NRCAM: variants seen among roughly 807,000 people sequenced by gnomAD.
NRCAM encodes NgCAM-related cell adhesion molecule.
NRCAM carries 83 observed loss-of-function variants against 156.5 expected under a neutral mutation model. The observed-to-expected ratio is 0.53, with a 90% CI of 0.44 to 0.64. The LOEUF is 0.64. NRCAM is among the 30% of genes least tolerant of loss of function. The pLI is 0.00. For missense variants in NRCAM, 1,417 were observed against 1,597.3 expected (o/e 0.89, Z 1.92); for synonymous variants, 538 against 563.9 (o/e 0.95, Z 0.65).
At chr7:108,275,012 C>T (rs1400953876) in intron 3 of NRCAM, among the ~76,000 whole-genome samples, 2 of 152,120 alleles carry the variant, frequency 1.3e-5, no homozygotes, top group African/African-American at 4.8e-5. Flanking sequence ...GTTTTGGTCA[C>T]TGGTTCTGTT....
At chr7:108,383,187 A>C (rs1424905553) in intron 2 of NRCAM, among the ~76,000 whole-genome samples, 1 of 152,016 alleles carries the variant, frequency 6.6e-6, no homozygotes. Context: ...ACAGCCTTCT[A>C]AAGTCACTCC....
chr7:108,242,863 T>C (rs1456392253), intron 3 of NRCAM, among the ~76,000 whole-genome samples: 1 of 152,210 alleles, frequency 6.6e-6, no homozygotes, highest in Non-Finnish European at 1.5e-5. Context: ...ATGTATTTTG[T>C]CTGGATGTAT....
chr7:108,450,603 T>A (rs1488710462), intron 1 of NRCAM, among the ~76,000 whole-genome samples: 1 of 142,612 alleles, frequency 7.0e-6, no homozygotes, highest in Non-Finnish European at 1.6e-5. Context: ...AATAATGCCA[T>A]TTTTTGGCAG....
chr7:108,438,939 C>G (rs1835392187), intron 1 of NRCAM, among the ~76,000 whole-genome samples: 1 of 151,892 alleles, frequency 6.6e-6, no homozygotes, highest in Non-Finnish European at 1.5e-5. Context: ...GATTTTACAT[C>G]AAAAATTCAA....
chr7:108,229,549 C>A (rs549875529), intron 8 of NRCAM, among the ~76,000 whole-genome samples: 57 of 152,284 alleles, frequency 3.7e-4, no homozygotes, highest in African/African-American at 1.3e-3. Context: ...GAGTTCTTCA[C>A]CTCTGGAGGG....
intron 1 of NRCAM, among the ~76,000 whole-genome samples, chr7:108,442,782 G>C (rs7790875): frequency 0.24 from 37,097 of 152,124 alleles, 4,825 homozygotes; most frequent in Non-Finnish European, 0.29. Context: ...AGCTCATACT[G>C]AAACAGTGAT....
chr7:108,352,791 A>G (rs1323755220), intron 2 of NRCAM, among the ~76,000 whole-genome samples: 1 of 152,162 alleles, frequency 6.6e-6, no homozygotes, highest in Non-Finnish European at 1.5e-5. Context: ...TTTGAACCAT[A>G]AAGCTAAGAG....
chr7:108,324,397 C>T (rs976431411), intron 2 of NRCAM, among the ~76,000 whole-genome samples: 2 of 152,106 alleles, frequency 1.3e-5, no homozygotes, highest in Non-Finnish European at 2.9e-5. Context: ...CTTTCCTTCC[C>T]GATTCCTCCC....
At chr7:108,387,688 A>T (rs1160871408) in intron 2 of NRCAM, among the ~76,000 whole-genome samples, 1 of 151,164 alleles carries the variant, frequency 6.6e-6, no homozygotes, top group Non-Finnish European at 1.5e-5. Context: ...TACATTAGGT[A>T]TATCTCCTAA....
intron 29 of NRCAM, 45 bp downstream of exon 29, chr7:108,168,232 A>AT (rs1191096509): frequency 6.8e-7 from 1 of 1,468,828 alleles, no homozygotes; most frequent in East Asian, 2.5e-5. Flanking sequence ...CTTTTAAAAA[A>AT]TGCATCCCCC....
At chr7:108,399,143 T>G (rs2099784882) in intron 2 of NRCAM, among the ~76,000 whole-genome samples, 1 of 149,662 alleles carries the variant, frequency 6.7e-6, no homozygotes, top group Non-Finnish European at 1.5e-5. Context: ...AGAGAAACAT[T>G]ATTGATTTTT....
intron 30 of NRCAM, among the ~76,000 whole-genome samples, chr7:108,165,073 T>C (rs2053007443): frequency 6.6e-6 from 1 of 152,184 alleles, no homozygotes; most frequent in Admixed American, 6.5e-5. Context: ...TAACAACAGG[T>C]CATTTTTATA....
intron 2 of NRCAM, among the ~76,000 whole-genome samples, chr7:108,345,878 C>T (rs747773793): frequency 1.3e-5 from 2 of 152,216 alleles, no homozygotes; most frequent in Non-Finnish European, 2.9e-5. Flanking sequence ...ACAAGTCTAG[C>T]AGGCCTAGAA....
At chr7:108,150,443 A>C (rs2040638277) in intron 32 of NRCAM, among the ~76,000 whole-genome samples, 1 of 152,206 alleles carries the variant, frequency 6.6e-6, no homozygotes, top group Non-Finnish European at 1.5e-5. Flanking sequence ...ACAAGCATTA[A>C]ATAAGAAAGA....
At chr7:108,267,624 T>C (rs1430379139) in intron 3 of NRCAM, among the ~76,000 whole-genome samples, 2 of 152,232 alleles carry the variant, frequency 1.3e-5, no homozygotes, top group African/African-American at 4.8e-5. Flanking sequence ...CCTTACGCTT[T>C]ATTTGAATTG....
chr7:108,348,115 T>C (rs1382687630), intron 2 of NRCAM, among the ~76,000 whole-genome samples: 1 of 152,238 alleles, frequency 6.6e-6, no homozygotes, highest in Admixed American at 6.5e-5. Context: ...GTCTACGTAA[T>C]ACATGTAACT....
intron 13 of NRCAM, among the ~76,000 whole-genome samples, chr7:108,204,351 C>G (rs1015124915): frequency 2.0e-5 from 3 of 152,230 alleles, no homozygotes; most frequent in African/African-American, 4.8e-5. Context: ...TGTGGCCACT[C>G]AGCAGAAGCT....
chr7:108,249,324 AC>A (rs1437196675), intron 3 of NRCAM, among the ~76,000 whole-genome samples: 1 of 152,214 alleles, frequency 6.6e-6, no homozygotes, highest in East Asian at 1.9e-4. Flanking sequence ...ATTATCACAA[AC>A]CAAACAGCTG....
intron 2 of NRCAM, among the ~76,000 whole-genome samples, chr7:108,377,406 C>G (rs2099680744): frequency 6.6e-6 from 1 of 152,070 alleles, no homozygotes; most frequent in Admixed American, 6.6e-5. Flanking sequence ...TGTCAACAAA[C>G]CTAGCTATAA....
Sources: gnomAD v4.1 joint callset for allele counts (sites outside exome capture counted in the v4.1 genomes callset) on GRCh38, gnomAD v4.1.1 for gene constraint, MANE v1.5 for transcripts, NCBI Gene and HGNC (gene_info 2026-07-23, HGNC 2026-07-21) for gene names.